MGAT4C: variants seen among roughly 807,000 people sequenced by gnomAD.
MGAT4C encodes MGAT4 family member C.
In MGAT4C, 19 loss-of-function variants were observed where a neutral mutation model predicts 40.1. The ratio of observed to expected loss-of-function variants is 0.47; its 90% CI spans 0.33 to 0.70. MGAT4C has a LOEUF of 0.70. Among genes scored for constraint, MGAT4C ranks in the 30% least tolerant of loss-of-function variants. The pLI, the probability that MGAT4C is intolerant of heterozygous loss-of-function variation, is 0.02. For missense variants in MGAT4C, 491 were observed against 563.2 expected, an observed-to-expected ratio of 0.87 and a Z score of 1.30; for synonymous variants, 181 against 187.1, an observed-to-expected ratio of 0.97 and a Z score of 0.27.
At position 86,089,676 on chromosome 12, in the gene MGAT4C, T is replaced by A. The variant is rs939680858; in HGVS notation, c.-56-39953A>T. Among the ~76,000 whole-genome samples, 6 of 151,802 alleles carry A rather than the reference T, an allele frequency of 4.0e-5. No individual in the cohort carries two copies. In the East Asian group the frequency reaches 1.2e-3, roughly 29 times the overall value. Reference sequence around the variant, plus strand: ...TTTTTACCATTTAAGCTTTTGTCCTTAAATGACATTATATCAAATTGAAAA... The same window carrying A: ...TTTTTACCATTTAAGCTTTTGTCCTAAAATGACATTATATCAAATTGAAAA... On this transcript the variant is annotated intron_variant, in intron 1 of 4. Coordinates refer to ENST00000611864, the MANE Select transcript of MGAT4C (RefSeq NM_001351288.2).
At chr12:86,825,212 T>C (rs1162691066) in intron 1 of MGAT4C, among the ~76,000 whole-genome samples, 2 of 151,330 alleles carry the variant, frequency 1.3e-5, no homozygotes, top group East Asian at 3.9e-4. Context: ...TCAGGAAGTA[T>C]GTGGAATACT....
intron 1 of MGAT4C, among the ~76,000 whole-genome samples, chr12:86,071,495 T>C (rs1868452495): frequency 2.0e-5 from 3 of 152,118 alleles, no homozygotes; most frequent in Admixed American, 6.6e-5. Context: ...CAGGTAGCTA[T>C]GTTGCTCTTC....
At chr12:86,374,678 C>T (rs1056146107) in intron 3 of MGAT4C, among the ~76,000 whole-genome samples, 1 of 152,024 alleles carries the variant, frequency 6.6e-6, no homozygotes, top group African/African-American at 2.4e-5. Context: ...TTTCTGGATC[C>T]ACAGCTTATG....
intron 1 of MGAT4C, among the ~76,000 whole-genome samples, chr12:86,109,227 C>A (rs116382742): frequency 3.7e-3 from 562 of 152,196 alleles, no homozygotes; most frequent in African/African-American, 0.013. Flanking sequence ...TCTTCTAAGA[C>A]AATTTGTAAT....
chr12:86,295,910 T>G (rs191488422), intron 4 of MGAT4C, among the ~76,000 whole-genome samples: 123,112 of 144,620 alleles, frequency 0.85, 52,408 homozygotes, highest in East Asian at 0.95. Flanking sequence ...GCCGACTGGT[T>G]TGTTTACAAT....
chr12:86,190,901 GAGA>G (rs1889323947), intron 1 of MGAT4C, among the ~76,000 whole-genome samples: 1 of 151,984 alleles, frequency 6.6e-6, no homozygotes, highest in Non-Finnish European at 1.5e-5. Context: ...AGGTTTTCCA[GAGA>G]AGAAGGAATT....
chr12:86,339,858 T>G (rs1592715653), intron 3 of MGAT4C, among the ~76,000 whole-genome samples: 1 of 152,298 alleles, frequency 6.6e-6, no homozygotes, highest in East Asian at 1.9e-4. Flanking sequence ...CTGTTTAATC[T>G]TTTCCAAATC....
chr12:86,164,819 G>A (rs942815244), intron 1 of MGAT4C, among the ~76,000 whole-genome samples: 1 of 152,166 alleles, frequency 6.6e-6, no homozygotes, highest in African/African-American at 2.4e-5. Context: ...CCACTTAGCA[G>A]GGCAATTTAG....
At chr12:86,759,151 G>T (rs1181317746) in intron 1 of MGAT4C, among the ~76,000 whole-genome samples, 1 of 151,946 alleles carries the variant, frequency 6.6e-6, no homozygotes, top group Admixed American at 6.6e-5. Context: ...GTCTTTCTGT[G>T]CCTAGCTTAT....
At chr12:86,463,416 A>G (rs1486286629) in intron 2 of MGAT4C, among the ~76,000 whole-genome samples, 1 of 152,166 alleles carries the variant, frequency 6.6e-6, no homozygotes, top group Admixed American at 6.5e-5. Context: ...TAAATTTTCT[A>G]TAGTTCTTAT....
intron 2 of MGAT4C, among the ~76,000 whole-genome samples, chr12:86,576,173 G>A (rs1052535175): frequency 6.6e-6 from 1 of 151,742 alleles, no homozygotes; most frequent in East Asian, 1.9e-4. Context: ...TTTTTGATTG[G>A]ATTATTAGAT....
intron 2 of MGAT4C, among the ~76,000 whole-genome samples, chr12:86,463,748 C>T (rs1362744697): frequency 6.6e-6 from 1 of 152,066 alleles, no homozygotes; most frequent in Non-Finnish European, 1.5e-5. Flanking sequence ...ATAATGAATA[C>T]AGTAGAGATA....
intron 1 of MGAT4C, among the ~76,000 whole-genome samples, chr12:86,090,563 C>A (rs1872708962): frequency 6.6e-6 from 1 of 151,656 alleles, no homozygotes; most frequent in Admixed American, 6.6e-5. Flanking sequence ...ATATTCTTTA[C>A]TTTTTTCTAG....
intron 2 of MGAT4C, among the ~76,000 whole-genome samples, chr12:86,649,702 G>T (rs1963643939): frequency 1.3e-5 from 2 of 151,786 alleles, no homozygotes; most frequent in African/African-American, 2.4e-5. Flanking sequence ...TGAAGATATG[G>T]TCTTATTTAA....
rs191479393 is a variant in MGAT4C at position 86,598,229 on chromosome 12, C to A, written c.-229+128980G>T. ...TATTTGTATGCAAGTTATTTGAAGT[C>A]TTTTATAACTCATTTAGTAGTGATT... On this transcript the variant is annotated intron_variant, in intron 2 of 7. Coordinates refer to the MGAT4C transcript ENST00000548651. Among the ~76,000 whole-genome samples the A allele has an allele frequency of 1.4e-4, 21 of 152,010 alleles. No individual in the cohort carries two copies. In the East Asian group the frequency reaches 2.5e-3, roughly 18 times the overall value.
chr12:86,241,609 C>G (rs957630737), intron 1 of MGAT4C, among the ~76,000 whole-genome samples: 1 of 152,086 alleles, frequency 6.6e-6, no homozygotes, highest in Non-Finnish European at 1.5e-5. Flanking sequence ...TCTTGAAAGT[C>G]TAGAAGGAGC....
At chr12:86,185,496 AG>A (rs1230739449) in intron 1 of MGAT4C, among the ~76,000 whole-genome samples, 7 of 152,160 alleles carry the variant, frequency 4.6e-5, no homozygotes, top group African/African-American at 1.7e-4. Context: ...GGTTCTCTGT[AG>A]ATATACACAT....
intron 4 of MGAT4C, among the ~76,000 whole-genome samples, chr12:86,264,866 C>G (rs1461634763): frequency 6.6e-6 from 1 of 152,212 alleles, no homozygotes; most frequent in Non-Finnish European, 1.5e-5. Flanking sequence ...GCTGTGCCCA[C>G]TCTTGGGGCA....
chr12:86,810,719 T>C (rs1047022525), intron 1 of MGAT4C, among the ~76,000 whole-genome samples: 2 of 151,956 alleles, frequency 1.3e-5, no homozygotes, highest in Non-Finnish European at 1.5e-5. Context: ...TATATTGTAG[T>C]TGATCTTCTA....
Sources: allele counts gnomAD v4.1 joint callset (sites outside exome capture counted in the v4.1 genomes callset), GRCh38; gene constraint gnomAD v4.1.1; transcripts MANE v1.5; gene names NCBI Gene and HGNC (gene_info 2026-07-23, HGNC 2026-07-21).